The following ZNF341 variants were observed in gnomAD, a reference collection of about 807,000 sequenced individuals.
ZNF341 encodes zinc finger protein 341.
ZNF341 carries 52 observed loss-of-function variants against 87.7 expected under a neutral mutation model. That is an observed-to-expected ratio of 0.59 (90% CI 0.47 to 0.75). The LOEUF is 0.75. Ranked by LOEUF, ZNF341 falls within the 30% of genes least tolerant of loss-of-function variation. The probability of loss-of-function intolerance (pLI) is 0.00; values close to 1 mark genes in which losing one functional copy is unlikely to be tolerated. For missense variants in ZNF341, 977 were observed against 1,145.9 expected (o/e 0.85, Z 2.13); for synonymous variants, 459 against 472.7 (o/e 0.97, Z 0.38).
At chr20:33,769,338 A>G (rs1391684854) in intron 9 of ZNF341, among the ~76,000 whole-genome samples, 1 of 111,876 alleles carries the variant, frequency 8.9e-6, no homozygotes, top group African/African-American at 3.6e-5. Flanking sequence ...ACTAAGTCAG[A>G]TTTCTCAGGG....
At chr20:33,759,628 T>C (rs1471492903) in intron 7 of ZNF341, among the ~76,000 whole-genome samples, 1 of 152,162 alleles carries the variant, frequency 6.6e-6, no homozygotes, top group Admixed American at 6.6e-5. Context: ...GTTGAAAAGT[T>C]CTGAAAAATG....
chr20:33,748,356 C>T (rs1162691839), intron 3 of ZNF341, among the ~76,000 whole-genome samples: 1 of 152,214 alleles, frequency 6.6e-6, no homozygotes, highest in African/African-American at 2.4e-5. Flanking sequence ...AGGCGTGAGC[C>T]ACCATGCCTG....
At chr20:33,786,592 A>G (rs1341078913) in intron 12 of ZNF341, among the ~76,000 whole-genome samples, 6 of 152,202 alleles carry the variant, frequency 3.9e-5, no homozygotes, top group Non-Finnish European at 7.3e-5. Flanking sequence ...TTTCTCCACA[A>G]TAAAGAAGGG....
intron 1 of ZNF341, among the ~76,000 whole-genome samples, chr20:33,737,198 G>A (rs974214681): frequency 8.5e-5 from 13 of 152,220 alleles, no homozygotes; most frequent in African/African-American, 2.9e-4. Flanking sequence ...GGGGAATTGC[G>A]ACAGAGAAAA....
At chr20:33,768,033 A>G (rs2019444628) in intron 9 of ZNF341, among the ~76,000 whole-genome samples, 1 of 152,172 alleles carries the variant, frequency 6.6e-6, no homozygotes, top group Admixed American at 6.6e-5. Context: ...GTGTTCTGGA[A>G]GTGATGCAGT....
intron 4 of ZNF341, chr20:33,752,111 C>T (rs2019069504): frequency 5.2e-6 from 2 of 382,414 alleles, no homozygotes; most frequent in African/African-American, 4.3e-5. Flanking sequence ...CAAGCAAGCC[C>T]CCCCCCCTTT....
intron 9 of ZNF341, among the ~76,000 whole-genome samples, chr20:33,768,413 G>T (rs866072414): frequency 3.4e-5 from 5 of 148,586 alleles, no homozygotes; most frequent in Non-Finnish European, 7.4e-5. Context: ...GTGAGCCACC[G>T]CGCCCAGCCC....
chr20:33,770,487 C>T (rs1399004754), intron 10 of ZNF341, among the ~76,000 whole-genome samples, 195 bp downstream of exon 10: 1 of 152,018 alleles, frequency 6.6e-6, no homozygotes, highest in Non-Finnish European at 1.5e-5. Flanking sequence ...GATGCTGGCT[C>T]TCCTTATATC....
chr20:33,791,355 G>C lies in ZNF341; in HGVS notation c.2403G>C (p.Leu801=). 6.2e-7 allele frequency: 1 copy of C among 1,612,552 alleles called. No individual in the cohort carries two copies. Among genetic ancestry groups the C allele is most frequent in the African/African-American group, 1.3e-5 (1 of 75,046 alleles). The change falls in exon 15 of 15, where the codon CTG becomes CTC. Residue 801 remains leucine (L), a synonymous_variant. Coordinates refer to ENST00000375200, the MANE Select transcript of ZNF341 (RefSeq NM_001282933.2). ...CCTTCGCAGAGCCGGACGCGGTGCTGTCCATCGTTGTGGGTGGTGCGGTGG... is the reference window on the plus strand; with the variant it reads ...CCTTCGCAGAGCCGGACGCGGTGCTCTCCATCGTTGTGGGTGGTGCGGTGG... The part of the protein sequence containing the change: ...KPPFAEPDAV[L]SIVVGGAVGA...
At chr20:33,781,813 G>A (rs2019752892) in intron 11 of ZNF341, among the ~76,000 whole-genome samples, 2 of 151,766 alleles carry the variant, frequency 1.3e-5, no homozygotes, top group African/African-American at 4.8e-5. Context: ...CTGAGTAGCT[G>A]GGACTATAGG....
At chr20:33,738,978 A>G (rs948428798) in intron 1 of ZNF341, among the ~76,000 whole-genome samples, 1 of 151,958 alleles carries the variant, frequency 6.6e-6, no homozygotes, top group African/African-American at 2.4e-5. Flanking sequence ...ATTTTATTTT[A>G]TTTTATTTTT....
At chr20:33,782,020 C>T (rs1331084585) in intron 11 of ZNF341, among the ~76,000 whole-genome samples, 1 of 152,016 alleles carries the variant, frequency 6.6e-6, no homozygotes, top group Non-Finnish European at 1.5e-5. Flanking sequence ...GTTACCCAGG[C>T]TGGTCTCAAA....
At chr20:33,751,330 A>G (rs1417882665) in intron 4 of ZNF341, among the ~76,000 whole-genome samples, 1 of 152,108 alleles carries the variant, frequency 6.6e-6, no homozygotes, top group African/African-American at 2.4e-5. Context: ...CACGGGACTC[A>G]GAGGTAGTTG....
chr20:33,767,066 C>A (rs1182457546), intron 9 of ZNF341, 25 bp downstream of exon 9: 2 of 1,599,288 alleles, frequency 1.3e-6, no homozygotes, highest in Admixed American at 1.7e-5. Flanking sequence ...GCAGCAGGGG[C>A]CCACACCACA....
chr20:33,791,306 C>T lies in ZNF341; in HGVS notation c.2354C>T (p.Pro785Leu). ...ELKDTGAGLV[P>L]EAVPGKPPFA... ...AAGGACACAGGGGCTGGGCTGGTGC[C>T]CGAGGCTGTCCCCGGCAAGCCGCCC... The change falls in exon 15 of 15, where the codon CCC (proline) becomes CTC (leucine). Residue 785 changes from proline to leucine, a missense_variant. Physicochemically the swap from Pro to Leu is moderately conservative, Grantham distance 98 (BLOSUM62 -3). Around this residue, in one of 3 missense-constraint regions of ZNF341, gnomAD observed 221 missense variants for 212.7 expected, o/e 1.04. Transcript: ENST00000375200. 1 of 1,611,566 alleles carries T rather than the reference C, an allele frequency of 6.2e-7. No individual in the cohort carries two copies. The highest frequency in any genetic ancestry group is 8.5e-7 in the Non-Finnish European group (1 of 1,179,468).
At chr20:33,788,795 G>A (rs771455015) in intron 12 of ZNF341, 68 bp from the exon 13 acceptor site, 21 of 1,340,774 alleles carry the variant, frequency 1.6e-5, no homozygotes, top group Non-Finnish European at 2.0e-5. Context: ...GGGGCCCAGC[G>A]GGGACCCTTG....
chr20:33,747,608 C>T (rs1384242668), intron 3 of ZNF341, among the ~76,000 whole-genome samples: 6 of 104,912 alleles, frequency 5.7e-5, no homozygotes, highest in Admixed American at 1.9e-4. Flanking sequence ...GAGCGAGACT[C>T]CGTCTCAAAA....
intron 5 of ZNF341, 97 bp from the exon 6 acceptor site, chr20:33,757,051 G>T: frequency 9.7e-7 from 1 of 1,028,480 alleles, no homozygotes; most frequent in South Asian, 2.5e-5. Flanking sequence ...AGGGGAGAGC[G>T]GCTGAGGTCA....
chr20:33,753,123 A>C, intron 4 of ZNF341, 49 bp from the exon 5 acceptor site: 1 of 1,610,150 alleles, frequency 6.2e-7, no homozygotes, highest in Non-Finnish European at 8.5e-7. Flanking sequence ...CTGATAAATA[A>C]GACAACTGGT....
Sources: gnomAD v4.1 joint callset for allele counts (sites outside exome capture counted in the v4.1 genomes callset) on GRCh38, gnomAD v4.1.1 for gene constraint, gnomAD v4.1.1 regional missense constraint, MANE v1.5 for transcripts, NCBI Gene and HGNC (gene_info 2026-07-23, HGNC 2026-07-21) for gene names.